The following PUDP variants were observed in gnomAD, a reference collection of about 807,000 sequenced individuals.
PUDP encodes pseudouridine-5'-phosphatase.
PUDP carries 8 observed loss-of-function variants against 9.4 expected under a neutral mutation model. The ratio of observed to expected loss-of-function variants is 0.85; its 90% CI spans 0.50 to 1.53. The LOEUF (loss-of-function observed/expected upper bound fraction) is 1.53, where lower values mean the gene tolerates loss of function less well. Ranked by LOEUF, PUDP falls within the 40% of genes most tolerant of loss-of-function variation. The probability of loss-of-function intolerance (pLI) is 0.00; values close to 1 mark genes in which losing one functional copy is unlikely to be tolerated. For missense variants in PUDP, 188 were observed against 189.7 expected (o/e 0.99, Z 0.05); for synonymous variants, 99 against 80.7 (o/e 1.23, Z -1.22).
intron 3 of PUDP, among the ~76,000 whole-genome samples, chrX:6,936,848 G>C (rs1928310494): frequency 1.0e-5 from 1 of 99,138 alleles, no homozygotes; most frequent in African/African-American, 3.7e-5. Context: ...ACAACAGACA[G>C]AGAGCCAAAT....
chrX:6,810,801 G>A (rs1319266900), intron 3 of PUDP, among the ~76,000 whole-genome samples: 1 of 111,678 alleles, frequency 9.0e-6, no homozygotes, highest in African/African-American at 3.3e-5. Flanking sequence ...TCAAGAATTA[G>A]ATATTGAGCC....
intron 1 of PUDP, among the ~76,000 whole-genome samples, chrX:6,708,171 T>C (rs972053810): frequency 5.4e-5 from 6 of 111,920 alleles, no homozygotes; most frequent in African/African-American, 1.6e-4. Context: ...AGCCTGTCTG[T>C]TTCCACATTC....
chrX:7,034,140 G>A (rs1273064988), intron 1 of PUDP, among the ~76,000 whole-genome samples: 1 of 112,087 alleles, frequency 8.9e-6, no homozygotes, highest in Admixed American at 9.4e-5. Flanking sequence ...GGGTAGGGTA[G>A]GGTGGAAGAG....
At chrX:6,922,338 C>T (rs1273414352) in intron 3 of PUDP, among the ~76,000 whole-genome samples, 1 of 111,835 alleles carries the variant, frequency 8.9e-6, no homozygotes, top group African/African-American at 3.3e-5. Context: ...TTTCACATTT[C>T]ATGCCTGTAT....
chrX:6,942,344 A>G (rs145325981), intron 3 of PUDP, among the ~76,000 whole-genome samples: 1,966 of 112,049 alleles, frequency 0.018, 41 homozygotes, highest in African/African-American at 0.059. Flanking sequence ...AAAAGTAACA[A>G]TTTGCTACAT....
chrX:7,116,885 G>T (rs1932209349), intron 1 of PUDP: 1 of 1,141,188 alleles, frequency 8.8e-7, no homozygotes, highest in Admixed American at 2.7e-5. Flanking sequence ...GAGAGCTGGT[G>T]GTTTAAAAGT....
intron 3 of PUDP, among the ~76,000 whole-genome samples, chrX:6,939,730 G>C (rs779484322): frequency 9.9e-4 from 108 of 108,806 alleles, no homozygotes; most frequent in Admixed American, 2.1e-3. Context: ...GGTGGGCATG[G>C]TGGTCTGCAC....
At chrX:7,031,895 C>A (rs1168160608) in intron 1 of PUDP, among the ~76,000 whole-genome samples, 1 of 111,826 alleles carries the variant, frequency 8.9e-6, no homozygotes, top group Non-Finnish European at 1.9e-5. Context: ...ATACCTGGCA[C>A]TAAACATTAA....
At chrX:7,007,468 T>C (rs1602711110) in intron 1 of PUDP, among the ~76,000 whole-genome samples, 1 of 112,633 alleles carries the variant, frequency 8.9e-6, no homozygotes, top group East Asian at 2.8e-4. Flanking sequence ...TGATGCAATA[T>C]AAGTAAAACA....
intron 3 of PUDP, among the ~76,000 whole-genome samples, chrX:6,764,400 G>C (rs919969144): frequency 2.7e-5 from 3 of 112,207 alleles, no homozygotes; most frequent in Admixed American, 1.9e-4. Context: ...TATTGGCCCT[G>C]TGGGTTTCTT....
At chrX:6,736,472 T>A (rs1438590693) in intron 3 of PUDP, among the ~76,000 whole-genome samples, 1 of 111,975 alleles carries the variant, frequency 8.9e-6, no homozygotes, top group African/African-American at 3.2e-5. Context: ...ATCATGTGTA[T>A]CCTTACAAGA....
chrX:6,989,470 C>T lies in PUDP; in HGVS notation c.205-11127G>A, dbSNP rs755802966. On this transcript the variant is annotated intron_variant and NMD_transcript_variant, in intron 1 of 3. Coordinates refer to the PUDP transcript ENST00000655425. ...AAGACTGATCTTCGCTGTCAAGCAA[C>T]TGGAAGATGGACGTACTTTGTCTGA... 1.9e-5 allele frequency: 3 copies of T among 160,118 alleles called. No homozygotes were observed. In the South Asian group the frequency reaches 4.1e-4, roughly 22 times the overall value. The allele number at this position is 160,118 out of a possible 1,213,427, so 13.2% of individuals were successfully genotyped here.
chrX:6,717,061 G>T (rs1158831827), intron 1 of PUDP, among the ~76,000 whole-genome samples: 1 of 111,787 alleles, frequency 8.9e-6, no homozygotes, highest in African/African-American at 3.3e-5. Flanking sequence ...GAGCCACTGT[G>T]CCTGGCCAGA....
intron 3 of PUDP, among the ~76,000 whole-genome samples, chrX:6,872,147 G>A (rs755880258): frequency 1.8e-5 from 2 of 110,869 alleles, no homozygotes; most frequent in African/African-American, 6.6e-5. Context: ...TCACCTTGGG[G>A]GTTAGGTTTC....
chrX:6,709,428 C>T (rs979885347), intron 1 of PUDP, among the ~76,000 whole-genome samples: 4 of 111,968 alleles, frequency 3.6e-5, no homozygotes, highest in Admixed American at 9.5e-5. Context: ...TCCACTTATC[C>T]GTTAAAGTCC....
intron 1 of PUDP, among the ~76,000 whole-genome samples, chrX:6,992,421 C>T (rs887837657): frequency 5.8e-5 from 6 of 102,875 alleles, no homozygotes; most frequent in African/African-American, 1.7e-4. Flanking sequence ...TACAGGCGCC[C>T]GCCACCGTGC....
chrX:6,817,650 C>A (rs1722291493), intron 3 of PUDP, among the ~76,000 whole-genome samples: 1 of 111,367 alleles, frequency 9.0e-6, no homozygotes, highest in Non-Finnish European at 1.9e-5. Context: ...TTTCAGCAGG[C>A]AGGGATGATT....
chrX:7,012,943 T>TG (rs35768113), intron 1 of PUDP, among the ~76,000 whole-genome samples: 2 of 110,055 alleles, frequency 1.8e-5, no homozygotes, highest in African/African-American at 3.3e-5. Flanking sequence ...GTAGTGGGGG[T>TG]GGGGGGTGTA....
intron 3 of PUDP, among the ~76,000 whole-genome samples, chrX:6,953,192 T>TA (rs1928580422): frequency 1.8e-5 from 2 of 112,268 alleles, no homozygotes; most frequent in South Asian, 7.4e-4. Context: ...AATGTTAATT[T>TA]AAAAATATCT....
Sources: allele counts gnomAD v4.1 joint callset (sites outside exome capture counted in the v4.1 genomes callset), GRCh38; gene constraint gnomAD v4.1.1; transcripts MANE v1.5; gene names NCBI Gene and HGNC (gene_info 2026-07-23, HGNC 2026-07-21).